Variants in SGCD observed in about 807,000 individuals in gnomAD.
SGCD encodes the protein sarcoglycan delta, also known as delta-sarcoglycan.
SGCD carries 18 observed loss-of-function variants against 36.6 expected under a neutral mutation model. The ratio of observed to expected loss-of-function variants is 0.49; its 90% CI spans 0.34 to 0.73. SGCD has a LOEUF of 0.73. SGCD is among the 30% of genes least tolerant of loss of function. SGCD has a pLI of 0.01. For missense variants in SGCD, 387 were observed against 346.7 expected (o/e 1.12, Z -0.92); for synonymous variants, 133 against 130.6 (o/e 1.02, Z -0.12).
rs548267369 is a variant in SGCD at position 156,509,278 on chromosome 5, T to C, written c.294+576T>C. On this transcript the variant is annotated intron_variant, in intron 4 of 8. Transcript: ENST00000337851. ...TGTCTCTACTAAAAATGCAAAAATT[T>C]GCCAAGTGTAGTGGTGAGCACCTGT... Among the ~76,000 whole-genome samples the C allele has an allele frequency of 3.3e-5, 5 of 152,096 alleles. No individual in the cohort carries two copies. The East Asian group carries it at 9.7e-4, about 29-fold the overall frequency.
At chr5:156,519,296 C>T (rs1757310299) in intron 4 of SGCD, among the ~76,000 whole-genome samples, 3 of 152,116 alleles carry the variant, frequency 2.0e-5, no homozygotes, top group Admixed American at 2.0e-4. Flanking sequence ...AAAGTTGATT[C>T]CCTGAATAGA....
intron 7 of SGCD, among the ~76,000 whole-genome samples, chr5:156,657,769 G>C (rs1170774587): frequency 6.7e-6 from 1 of 150,208 alleles, no homozygotes; most frequent in African/African-American, 2.5e-5. Context: ...GAGAGATTTG[G>C]AAAAGAAAAA....
At chr5:156,409,264 A>G (rs1211500829) in intron 3 of SGCD, among the ~76,000 whole-genome samples, 3 of 152,154 alleles carry the variant, frequency 2.0e-5, no homozygotes, top group Admixed American at 2.0e-4. Flanking sequence ...TTCCAAATTC[A>G]ACACCCTTTG....
intron 3 of SGCD, among the ~76,000 whole-genome samples, chr5:156,371,470 A>T (rs1214087237): frequency 2.6e-5 from 4 of 152,210 alleles, no homozygotes; most frequent in Non-Finnish European, 5.9e-5. Context: ...GGAAAAAGTT[A>T]AAGTTTCCTC....
intron 3 of SGCD, among the ~76,000 whole-genome samples, chr5:156,498,421 C>T (rs1170276319): frequency 6.6e-6 from 1 of 152,126 alleles, no homozygotes; most frequent in African/African-American, 2.4e-5. Context: ...TAAAATCCCT[C>T]GAATCCATTT....
chr5:156,311,591 A>G (rs1767391021), intron 3 of SGCD, among the ~76,000 whole-genome samples: 1 of 142,426 alleles, frequency 7.0e-6, no homozygotes, highest in Non-Finnish European at 1.6e-5. Context: ...TTCTTCAGCA[A>G]TGTCTTAGGG....
chr5:156,549,891 G>T (rs1352944150), intron 4 of SGCD, among the ~76,000 whole-genome samples: 1 of 152,184 alleles, frequency 6.6e-6, no homozygotes, highest in Non-Finnish European at 1.5e-5. Flanking sequence ...CCATTTCATA[G>T]AAAAGTGGAA....
chr5:156,127,014 C>G (rs1762188725), intron 3 of SGCD, among the ~76,000 whole-genome samples: 1 of 152,094 alleles, frequency 6.6e-6, no homozygotes, highest in Non-Finnish European at 1.5e-5. Context: ...CACTGCTTAA[C>G]CTGATCTCTG....
intron 1 of SGCD, among the ~76,000 whole-genome samples, chr5:156,049,096 T>G (rs575549988): frequency 2.0e-5 from 3 of 146,560 alleles, no homozygotes; most frequent in Non-Finnish European, 3.1e-5. Context: ...TTTTCCCATT[T>G]CTTGTTTTTG....
intron 3 of SGCD, among the ~76,000 whole-genome samples, chr5:156,488,738 C>A (rs1232073597): frequency 6.6e-6 from 1 of 152,072 alleles, no homozygotes; most frequent in Non-Finnish European, 1.5e-5. Flanking sequence ...AGAGCAGATA[C>A]ACAAATCAAA....
Position 156,604,813 on chromosome 5 carries a change from C to G in SGCD, c.502+9762C>G, listed in dbSNP as rs1303786095. Among the ~76,000 whole-genome samples the G allele has an allele frequency of 7.6e-5, 3 of 39,380 alleles. No homozygotes were observed. In the East Asian group the frequency reaches 2.1e-3, roughly 27 times the overall value. The allele number at this position is 39,380 out of a possible 152,430, so 25.8% of individuals were successfully genotyped here. A position where few individuals can be genotyped will look rare whatever the true frequency, so the allele number is the denominator to read the frequency against. ...ATGTATAATATATATAAATTATACA[C>G]TATACATATATACACAATATTCACA... On this transcript the variant is annotated intron_variant, in intron 6 of 8. Transcript: ENST00000337851.
intron 4 of SGCD, among the ~76,000 whole-genome samples, chr5:156,557,623 A>G (rs954846587): frequency 4.6e-5 from 7 of 152,148 alleles, no homozygotes; most frequent in African/African-American, 1.7e-4. Context: ...CTATACTGGA[A>G]GATTATTAGA....
chr5:156,641,265 C>A (rs1363381762), intron 6 of SGCD, among the ~76,000 whole-genome samples: 3 of 152,156 alleles, frequency 2.0e-5, no homozygotes, highest in Non-Finnish European at 4.4e-5. Context: ...GAAAATGGGT[C>A]TCAGATATTA....
intron 3 of SGCD, among the ~76,000 whole-genome samples, chr5:156,136,967 A>G (rs1762475212): frequency 6.6e-6 from 1 of 152,212 alleles, no homozygotes; most frequent in South Asian, 2.1e-4. Flanking sequence ...CACTCAGTAA[A>G]GGTCTTAAAA....
At chr5:156,006,337 A>G (rs548727504) in intron 1 of SGCD, among the ~76,000 whole-genome samples, 25 of 152,298 alleles carry the variant, frequency 1.6e-4, no homozygotes, top group African/African-American at 6.0e-4. Flanking sequence ...CAAAATGACA[A>G]ATCTCTTTGA....
At chr5:155,944,918 AAAT>A (rs1337473639) in intron 1 of SGCD, among the ~76,000 whole-genome samples, 1 of 148,092 alleles carries the variant, frequency 6.8e-6, no homozygotes, top group Non-Finnish European at 1.5e-5. Flanking sequence ...ATGCAAAAAA[AAAT>A]AATAATAATA....
intron 1 of SGCD, among the ~76,000 whole-genome samples, chr5:155,986,539 G>A (rs1442754573): frequency 6.6e-6 from 1 of 152,120 alleles, no homozygotes; most frequent in Non-Finnish European, 1.5e-5. Flanking sequence ...CCAGTGCCCT[G>A]GAACAACCCA....
rs1156749484 is a variant in SGCD at position 156,225,420 on chromosome 5, T to G, written c.-44+101401T>G. Among the ~76,000 whole-genome samples, 6 of 152,252 alleles carry G rather than the reference T, an allele frequency of 3.9e-5. No individual in the cohort carries two copies. In the East Asian group the frequency reaches 1.2e-3, roughly 29 times the overall value. ...ACTGATCTCAAAAAGTGATTATTGT[T>G]TTTATTATTATTAGAATTACAATAA... On this transcript the variant is annotated intron_variant, in intron 3 of 9. Coordinates refer to the SGCD transcript ENST00000517913.
chr5:156,044,983 G>A (rs1310006490), intron 1 of SGCD, among the ~76,000 whole-genome samples: 1 of 152,144 alleles, frequency 6.6e-6, no homozygotes, highest in Non-Finnish European at 1.5e-5. Flanking sequence ...TCTAGGGACT[G>A]AGAAGTCCAA....
Sources: allele counts gnomAD v4.1 joint callset (sites outside exome capture counted in the v4.1 genomes callset), GRCh38; gene constraint gnomAD v4.1.1; transcripts MANE v1.5; gene names NCBI Gene and HGNC (gene_info 2026-07-23, HGNC 2026-07-21).